Variants in PEAK1 observed in about 807,000 individuals in gnomAD.
PEAK1 encodes the protein inactive tyrosine-protein kinase PEAK1.
A neutral mutation model predicts 124.7 loss-of-function variants in PEAK1; 54 were observed. The observed-to-expected ratio is 0.43, with a 90% CI of 0.35 to 0.54. PEAK1 has a LOEUF of 0.54. Ranked by LOEUF, PEAK1 falls within the 20% of genes least tolerant of loss-of-function variation. The pLI is 0.01. For synonymous variants in PEAK1, 719 were observed against 760.0 expected, an observed-to-expected ratio of 0.95 and a Z score of 0.89; for missense variants, 2,046 against 2,134.5, an observed-to-expected ratio of 0.96 and a Z score of 0.82.
Position 77,245,846 on chromosome 15 carries a change from A to G in PEAK1, c.-115+6521T>C, listed in dbSNP as rs150722420. Among the ~76,000 whole-genome samples the G allele has an allele frequency of 2.6e-3, 394 of 152,298 alleles. 3 individuals carry two copies. Among genetic ancestry groups the G allele is most frequent in the African/African-American group, 9.0e-3 (376 of 41,580 alleles). On this transcript the variant is annotated intron_variant, in intron 6 of 9. Transcript: ENST00000682557. The stretch of plus-strand genomic sequence containing the variant: ...AGATCTATTTACCCTTTTAACGACA[A>G]TATACTGCTCAAGTACTGCAGTTTG...
In PEAK1 at chr15:77,216,827, G is replaced by A. The variant is rs139213512; in HGVS notation, c.-114-34787C>T. ...AAACCATTACTCCTAGATCAGCTGC[G>A]GACAAGAGCAGAGATTTTAATGGAA... On this transcript the variant is annotated intron_variant, in intron 6 of 9. Transcript: ENST00000682557. Among the ~76,000 whole-genome samples, 228 of 152,210 alleles carry A rather than the reference G, an allele frequency of 1.5e-3. 1 individual carries two copies. Among genetic ancestry groups the A allele is most frequent in the African/African-American group, 5.2e-3 (216 of 41,520 alleles).
intron 2 of PEAK1, chr15:77,333,344 TACA>T: frequency 1.0e-6 from 1 of 983,156 alleles, no homozygotes; most frequent in Non-Finnish European, 1.2e-6. Context: ...CACTTCTATA[TACA>T]ACCAACATGC....
At chr15:77,190,330 A>T (rs1288654713) in intron 6 of PEAK1, among the ~76,000 whole-genome samples, 1 of 152,242 alleles carries the variant, frequency 6.6e-6, no homozygotes, top group Admixed American at 6.5e-5. Context: ...AGTCTTTCCT[A>T]GTGCAGATAT....
At chr15:77,360,194 G>C (rs938620852) in intron 2 of PEAK1, among the ~76,000 whole-genome samples, 9 of 152,120 alleles carry the variant, frequency 5.9e-5, no homozygotes, top group Non-Finnish European at 1.3e-4. Context: ...ACATACAAAT[G>C]AATGAAGTTG....
rs756782810 is a variant in PEAK1, at chr15:77,181,194, T to C, written c.733A>G (p.Met245Val). 15 of 1,614,006 alleles carry C rather than the reference T, an allele frequency of 9.3e-6. No individual in the cohort carries two copies. The South Asian group carries it at 1.4e-4, about 15-fold the overall frequency. Reference sequence around the variant, plus strand: ...TCCCAACTCTCGTGCTCCTCCTCCATGTTACTGAAAAGTACATCCTCTTCA... The same window carrying C: ...TCCCAACTCTCGTGCTCCTCCTCCACGTTACTGAAAAGTACATCCTCTTCA... Reference protein sequence around the residue: ...ESEEDVLFSNMEEEHESWDES... With the variant: ...ESEEDVLFSNVEEEHESWDES... Residue 245 changes from methionine (M) to valine (V), a missense_variant, in exon 7 of 10, where the codon ATG becomes GTG. Coordinates refer to ENST00000682557, the MANE Select transcript of PEAK1 (RefSeq NM_001385026.1).
chr15:77,296,401 G>A (rs902371640), intron 2 of PEAK1, among the ~76,000 whole-genome samples: 2 of 151,624 alleles, frequency 1.3e-5, no homozygotes, highest in African/African-American at 4.9e-5. Context: ...CACTTGAGGT[G>A]AGGAGTTCGA....
intron 1 of PEAK1, chr15:77,403,909 T>C (rs1257741685): frequency 2.0e-6 from 2 of 983,364 alleles, no homozygotes; most frequent in African/African-American, 3.5e-5. Flanking sequence ...TTTTTTAATT[T>C]CCAACTTTTA....
At chr15:77,170,825 A>T (rs2056452232) in intron 7 of PEAK1, among the ~76,000 whole-genome samples, 1 of 152,184 alleles carries the variant, frequency 6.6e-6, no homozygotes, top group African/African-American at 2.4e-5. Context: ...ATCTTTGGCT[A>T]CAGTGCTGGC....
chr15:77,298,177 T>C (rs1209899784), intron 2 of PEAK1, among the ~76,000 whole-genome samples: 2 of 140,636 alleles, frequency 1.4e-5, no homozygotes, highest in Non-Finnish European at 3.1e-5. Flanking sequence ...TCCTATAGCT[T>C]CTTTTGTTTG....
At chr15:77,369,581 T>TAAAC (rs1215595392) in intron 1 of PEAK1, among the ~76,000 whole-genome samples, 1 of 152,148 alleles carries the variant, frequency 6.6e-6, no homozygotes, top group Non-Finnish European at 1.5e-5. Context: ...TAAAGGGCCA[T>TAAAC]AAACAAACAA....
chr15:77,124,069 C>T (rs1455685447), intron 9 of PEAK1, among the ~76,000 whole-genome samples: 1 of 152,256 alleles, frequency 6.6e-6, no homozygotes, highest in Non-Finnish European at 1.5e-5. Context: ...GTCTGGCATT[C>T]ACCCCAATTA....
intron 2 of PEAK1, among the ~76,000 whole-genome samples, chr15:77,344,333 A>T (rs2066737556): frequency 6.6e-6 from 1 of 152,082 alleles, no homozygotes; most frequent in African/African-American, 2.4e-5. Context: ...TGATCTCGTG[A>T]TCCACCTGCC....
intron 2 of PEAK1, chr15:77,337,695 G>C (rs1033762409): frequency 8.1e-6 from 8 of 985,094 alleles, no homozygotes; most frequent in Non-Finnish European, 9.6e-6. Context: ...AAAGTCATTT[G>C]TCAGTAACCC....
intron 2 of PEAK1, chr15:77,348,115 C>T: frequency 1.0e-6 from 1 of 981,078 alleles, no homozygotes; most frequent in Non-Finnish European, 1.2e-6. Flanking sequence ...AAAGAAACAA[C>T]AATGGAGATC....
At chr15:77,371,304 A>G in intron 1 of PEAK1, 1 of 920,484 alleles carries the variant, frequency 1.1e-6, no homozygotes, top group Non-Finnish European at 1.3e-6. Flanking sequence ...AACATAATAT[A>G]TATTTCACTG....
chr15:77,216,892 C>T (rs954773704), intron 6 of PEAK1, among the ~76,000 whole-genome samples: 9 of 152,030 alleles, frequency 5.9e-5, no homozygotes, highest in Non-Finnish European at 1.2e-4. Flanking sequence ...AGCGTTTCTT[C>T]GAAGAATTGT....
intron 6 of PEAK1, among the ~76,000 whole-genome samples, chr15:77,206,835 G>C (rs958465441): frequency 1.3e-5 from 2 of 152,082 alleles, no homozygotes; most frequent in Non-Finnish European, 2.9e-5. Context: ...AGTTTAATTA[G>C]ATCGCATCAC....
intron 2 of PEAK1, among the ~76,000 whole-genome samples, chr15:77,303,572 T>A (rs1014924126): frequency 6.6e-6 from 1 of 152,230 alleles, no homozygotes; most frequent in Non-Finnish European, 1.5e-5. Context: ...TCTCTTCAGA[T>A]CTTCTGCCCA....
At chr15:77,177,109 A>G (rs1176102716) in intron 7 of PEAK1, among the ~76,000 whole-genome samples, 2 of 152,100 alleles carry the variant, frequency 1.3e-5, no homozygotes, top group African/African-American at 2.4e-5. Context: ...GGCACCTGCC[A>G]CCACACCCAG....
Sources: allele counts gnomAD v4.1 joint callset (sites outside exome capture counted in the v4.1 genomes callset), GRCh38; gene constraint gnomAD v4.1.1; transcripts MANE v1.5; gene names NCBI Gene and HGNC (gene_info 2026-07-23, HGNC 2026-07-21).